ADGRV1: variants seen among roughly 807,000 people sequenced by gnomAD.
The protein encoded by ADGRV1 is G-protein coupled receptor 98.
In ADGRV1, 359 loss-of-function variants were observed where a neutral mutation model predicts 596.2. That is an observed-to-expected ratio of 0.60 (90% CI 0.55 to 0.66). The LOEUF is 0.66. Ranked by LOEUF, ADGRV1 falls within the 30% of genes least tolerant of loss-of-function variation. The probability of loss-of-function intolerance (pLI) is 0.00; values close to 1 mark genes in which losing one functional copy is unlikely to be tolerated. For synonymous variants in ADGRV1, 2,681 were observed against 2,679.2 expected, an observed-to-expected ratio of 1.00 and a Z score of -0.02; for missense variants, 7,274 against 7,575.6, an observed-to-expected ratio of 0.96 and a Z score of 1.48.
At chr5:91,067,136 A>G (rs1361689098) in intron 85 of ADGRV1, among the ~76,000 whole-genome samples, 1 of 141,124 alleles carries the variant, frequency 7.1e-6, no homozygotes, top group Non-Finnish European at 1.5e-5. Flanking sequence ...GAGAATTGCA[A>G]AGGAGATTTT....
intron 85 of ADGRV1, among the ~76,000 whole-genome samples, chr5:91,003,727 GA>G (rs1191549038): frequency 6.6e-6 from 1 of 151,850 alleles, no homozygotes; most frequent in African/African-American, 2.4e-5. Context: ...AGTGCCAGAG[GA>G]ATAAAAGTTT....
At chr5:91,041,648 A>G (rs3850657) in intron 85 of ADGRV1, among the ~76,000 whole-genome samples, 37,642 of 149,780 alleles carry the variant, frequency 0.25, 5,012 homozygotes, top group Non-Finnish European at 0.28. Context: ...AAAAAAAAAA[A>G]AGAGAGAGAG....
chr5:90,783,899 C>CGCCA lies in ADGRV1; in HGVS notation c.13496_13499dup (p.His4500GlnfsTer11). 1 of 1,612,082 alleles carries CGCCA rather than the reference C, an allele frequency of 6.2e-7. No individual in the cohort carries two copies. The highest frequency in any genetic ancestry group is 8.5e-7 in the Non-Finnish European group (1 of 1,179,186). ...AGCTACTGGAGGAGCGGTCCTTGGG[C>CGCCA]GCCACCTAGTGAGCAGAATCATAAT... is the stretch of plus-strand genomic sequence containing the variant. On this transcript the variant is annotated frameshift_variant, in exon 67 of 90. Transcript: ENST00000405460. LOFTEE classifies it high-confidence loss of function.
At chr5:90,898,742 G>A (rs1771554042) in intron 83 of ADGRV1, among the ~76,000 whole-genome samples, 1 of 152,106 alleles carries the variant, frequency 6.6e-6, no homozygotes, top group African/African-American at 2.4e-5. Context: ...CCAGCAGTTT[G>A]AGACCAAGCC....
At chr5:90,964,192 C>A (rs1052432971) in intron 83 of ADGRV1, among the ~76,000 whole-genome samples, 8 of 151,836 alleles carry the variant, frequency 5.3e-5, no homozygotes, top group African/African-American at 1.9e-4. Context: ...GTTCCATGGT[C>A]TTATTTATTT....
intron 83 of ADGRV1, among the ~76,000 whole-genome samples, chr5:90,876,107 T>G (rs917631846): frequency 2.6e-5 from 4 of 152,316 alleles, no homozygotes; most frequent in South Asian, 4.1e-4. Context: ...TCTGAGTTTA[T>G]TGTATCTGAT....
intron 86 of ADGRV1, among the ~76,000 whole-genome samples, chr5:91,094,049 G>T (rs1340099095): frequency 6.6e-6 from 1 of 151,628 alleles, no homozygotes; most frequent in Non-Finnish European, 1.5e-5. Context: ...ATGGGGTTTC[G>T]CCATGTTCGC....
At chr5:91,152,755 C>A (rs1796165448) in intron 88 of ADGRV1, among the ~76,000 whole-genome samples, 1 of 152,176 alleles carries the variant, frequency 6.6e-6, no homozygotes, top group African/African-American at 2.4e-5. Context: ...CAGCCTCAAA[C>A]TTCTGAGCTC....
At chr5:90,947,467 T>C (rs922012299) in intron 83 of ADGRV1, among the ~76,000 whole-genome samples, 1 of 152,160 alleles carries the variant, frequency 6.6e-6, no homozygotes, top group Non-Finnish European at 1.5e-5. Context: ...CAATTTTTGC[T>C]TTTGTTCTAA....
rs41315920 is a variant in ADGRV1 at position 90,863,878 on chromosome 5, T to A, written c.17856+21T>A. 21,425 of 1,463,942 alleles carry A rather than the reference T, an allele frequency of 0.015. 1,108 individuals carry two copies. The highest frequency in any genetic ancestry group is 0.14 in the East Asian group (6,409 of 44,208). 90.7% of individuals were successfully genotyped at this position (1,463,942 alleles called of 1,614,324 possible). On this transcript the variant is annotated intron_variant, in intron 83 of 89. Coordinates refer to ENST00000405460, the MANE Select transcript of ADGRV1 (RefSeq NM_032119.4). ...CACAGGTAGGAGAGCGCTGGCATTTTTGATTTATCGTGAGATGTTTGTGTT... is the reference window on the plus strand; with the variant it reads ...CACAGGTAGGAGAGCGCTGGCATTTATGATTTATCGTGAGATGTTTGTGTT...
rs760976566 is a variant in ADGRV1 at position 90,809,648 on chromosome 5, G to A, written c.14973-585G>A. The stretch of plus-strand genomic sequence containing the variant: ...ATAAACCTGTAGACAGAATTAGGCC[G>A]AGAGACCAGCAGTTGTAACCTCTGA... On this transcript the variant is annotated intron_variant, in intron 73 of 89. Coordinates refer to ENST00000405460, the MANE Select transcript of ADGRV1 (RefSeq NM_032119.4). Among the ~76,000 whole-genome samples, 7 of 152,226 alleles carry A rather than the reference G, an allele frequency of 4.6e-5. No homozygotes were observed. The East Asian group carries it at 5.8e-4, about 13-fold the overall frequency.
chr5:90,575,500 G>A (rs1757083587), intron 1 of ADGRV1, among the ~76,000 whole-genome samples: 2 of 152,186 alleles, frequency 1.3e-5, no homozygotes, highest in Non-Finnish European at 2.9e-5. Context: ...AAAGGAAGTA[G>A]TCAAAGAATT....
Position 90,778,409 on chromosome 5 carries a change from C to T in ADGRV1, c.12667-18C>T, listed in dbSNP as rs1345146929. On this transcript the variant is annotated intron_variant, in intron 62 of 89. Coordinates refer to ENST00000405460, the MANE Select transcript of ADGRV1 (RefSeq NM_032119.4). ...ATTCCACAGATTCTACTGTTGATGA[C>T]TCTTTGTCTTTTTCTAGGCTTTGAA... 1.2e-6 allele frequency: 2 copies of T among 1,607,636 alleles called. No homozygotes were observed. The highest frequency in any genetic ancestry group is 1.7e-5 in the Admixed American group (1 of 59,330).
At chr5:91,157,763 A>C (rs561483163) in intron 89 of ADGRV1, among the ~76,000 whole-genome samples, 239 of 152,354 alleles carry the variant, frequency 1.6e-3, no homozygotes, top group African/African-American at 5.3e-3. Flanking sequence ...AAAAATGAAA[A>C]AGACTCATCA....
intron 5 of ADGRV1, 46 bp from the exon 6 acceptor site, chr5:90,625,084 G>C (rs369189825): frequency 1.8e-6 from 2 of 1,110,072 alleles, no homozygotes; most frequent in African/African-American, 3.1e-5. Flanking sequence ...TCTCAGTCTT[G>C]TGAAGTATTT....
intron 10 of ADGRV1, among the ~76,000 whole-genome samples, chr5:90,635,704 C>T (rs370111644): frequency 6.6e-6 from 1 of 151,978 alleles, no homozygotes; most frequent in African/African-American, 2.4e-5. Flanking sequence ...GATCCTCCCA[C>T]CTCAGCCTTA....
At chr5:90,829,940 G>C (rs1393551051) in intron 77 of ADGRV1, among the ~76,000 whole-genome samples, 1 of 152,076 alleles carries the variant, frequency 6.6e-6, no homozygotes, top group Non-Finnish European at 1.5e-5. Context: ...TTTGAAAACT[G>C]CCATTCTGGA....
chr5:90,629,818 G>C (rs568643792), intron 9 of ADGRV1: 10 of 275,458 alleles, frequency 3.6e-5, no homozygotes, highest in African/African-American at 1.7e-4. Flanking sequence ...AGACTGTCAT[G>C]GATGACATAG....
At chr5:90,766,889 C>T (rs1300334304) in intron 59 of ADGRV1, among the ~76,000 whole-genome samples, 1 of 152,096 alleles carries the variant, frequency 6.6e-6, no homozygotes, top group Non-Finnish European at 1.5e-5. Context: ...CTCCTCTTTC[C>T]CTTCTTTGGC....
Sources: gnomAD v4.1 joint callset for allele counts (sites outside exome capture counted in the v4.1 genomes callset) on GRCh38, gnomAD v4.1.1 for gene constraint, MANE v1.5 for transcripts, NCBI Gene and HGNC (gene_info 2026-07-23, HGNC 2026-07-21) for gene names.